Variants in CCNH observed in about 807,000 individuals in gnomAD.
CCNH encodes the protein cyclin H, also known as cyclin-H.
CCNH carries 31 observed loss-of-function variants against 41.9 expected under a neutral mutation model. That is an observed-to-expected ratio of 0.74 (90% CI 0.56 to 1.00). The LOEUF is 1.00. CCNH is among the 50% of genes least tolerant of loss of function. CCNH has a pLI of 0.00. For missense variants in CCNH, 362 were observed against 388.4 expected (o/e 0.93, Z 0.57); for synonymous variants, 138 against 136.1 (o/e 1.01, Z -0.10).
chr5:87,354,204 G>A (rs1318661467), intron 9 of CCNH, among the ~76,000 whole-genome samples: 1 of 152,018 alleles, frequency 6.6e-6, no homozygotes, highest in East Asian at 1.9e-4. Flanking sequence ...TCATAATCTT[G>A]TCACATTTTA....
chr5:87,340,941 T>C (rs1247224609), intron 9 of CCNH, among the ~76,000 whole-genome samples: 3 of 152,012 alleles, frequency 2.0e-5, no homozygotes, highest in Admixed American at 6.6e-5. Flanking sequence ...AATGAGAAAT[T>C]TGTAGGCAGT....
chr5:87,368,177 A>G (rs534586969), intron 9 of CCNH, among the ~76,000 whole-genome samples: 1 of 151,946 alleles, frequency 6.6e-6, no homozygotes, highest in South Asian at 2.1e-4. Flanking sequence ...TCTGTTTTTC[A>G]TCCTTTTTCC....
intron 9 of CCNH, among the ~76,000 whole-genome samples, chr5:87,335,443 T>TGTG (rs1554045204): frequency 7.0e-6 from 1 of 142,548 alleles, no homozygotes; most frequent in African/African-American, 2.7e-5. Flanking sequence ...TTTTTTTTTT[T>TGTG]TGTGACAGTT....
At position 87,333,216 on chromosome 5, in the gene CCNH, T is replaced by G. The variant is rs368599725; in HGVS notation, c.*91-14319A>C. On this transcript the variant is annotated intron_variant and NMD_transcript_variant, in intron 9 of 9. Transcript: ENST00000645953. The stretch of plus-strand genomic sequence containing the variant: ...TTATGTGGATATACCTCTTTTGACT[T>G]TAAGATAAAAAGACTATCTTTTTAA... 1.1e-5 allele frequency: 17 copies of G among 1,600,822 alleles called. No homozygotes were observed. The African/African-American group carries it at 2.2e-4, about 20-fold the overall frequency.
chr5:87,360,124 GTT>G (rs755443447), intron 9 of CCNH, among the ~76,000 whole-genome samples: 9 of 132,692 alleles, frequency 6.8e-5, no homozygotes, highest in African/African-American at 8.4e-5. Context: ...TCAAAATGCA[GTT>G]TTTTTTTTTT....
At chr5:87,354,136 G>A (rs1214342402) in intron 9 of CCNH, among the ~76,000 whole-genome samples, 2 of 151,948 alleles carry the variant, frequency 1.3e-5, no homozygotes, top group Non-Finnish European at 2.9e-5. Context: ...GTTAATTGGT[G>A]GGGGGTGGGG....
intron 9 of CCNH, among the ~76,000 whole-genome samples, chr5:87,355,636 T>A (rs1038507326): frequency 2.0e-5 from 3 of 152,236 alleles, no homozygotes; most frequent in African/African-American, 7.2e-5. Flanking sequence ...GGAGTAATTT[T>A]GACTTTCAAA....
In CCNH at chr5:87,369,910, C is replaced by G. The variant is rs1462482632; in HGVS notation, c.*90+22860G>C. ...TCCAGAACAAGCAGAGGTAAGATTACTGTTTCTCAAACTACAGTATACTTT... is the reference window on the plus strand; with the variant it reads ...TCCAGAACAAGCAGAGGTAAGATTAGTGTTTCTCAAACTACAGTATACTTT... On this transcript the variant is annotated intron_variant and NMD_transcript_variant, in intron 9 of 9. Coordinates refer to the CCNH transcript ENST00000645953. 3 of 1,588,542 alleles carry G rather than the reference C, an allele frequency of 1.9e-6. No homozygotes were observed. The highest frequency in any genetic ancestry group is 2.6e-6 in the Non-Finnish European group (3 of 1,157,686).
At chr5:87,385,848 C>T (rs903854720) in intron 9 of CCNH, among the ~76,000 whole-genome samples, 1 of 151,982 alleles carries the variant, frequency 6.6e-6, no homozygotes, top group Non-Finnish European at 1.5e-5. Context: ...GACTTCTTGC[C>T]ATATGTGGAA....
At chr5:87,338,905 T>C (rs1758237404) in intron 9 of CCNH, among the ~76,000 whole-genome samples, 1 of 152,166 alleles carries the variant, frequency 6.6e-6, no homozygotes, top group Non-Finnish European at 1.5e-5. Flanking sequence ...TTCCATCATA[T>C]AATACGTTAT....
At chr5:87,355,410 A>G (rs1759578298) in intron 9 of CCNH, among the ~76,000 whole-genome samples, 1 of 152,166 alleles carries the variant, frequency 6.6e-6, no homozygotes, top group South Asian at 2.1e-4. Context: ...ATGGAACTAC[A>G]AAGCCTGCAT....
At chr5:87,318,178 C>A (rs1241022879), downstream of CCNH, among the ~76,000 whole-genome samples, 1 of 152,042 alleles carries the variant, frequency 6.6e-6, no homozygotes, top group Non-Finnish European at 1.5e-5. Context: ...CTATTATAAC[C>A]CCCACAAATA....
rs191206267 is a variant in CCNH at position 87,320,567 on chromosome 5, G to A, written c.*91-1670C>T. On this transcript the variant is annotated intron_variant and NMD_transcript_variant, in intron 9 of 9. Coordinates refer to the CCNH transcript ENST00000645953. ...GAGACAGAGAGAGTAAAGTGGGGAAGCGCCACACACTTTTAAACCATCAGA... is the reference window on the plus strand; with the variant it reads ...GAGACAGAGAGAGTAAAGTGGGGAAACGCCACACACTTTTAAACCATCAGA... Among the ~76,000 whole-genome samples, 241 of 152,244 alleles carry A rather than the reference G, an allele frequency of 1.6e-3. 1 individual carries two copies. The highest frequency in any genetic ancestry group is 6.8e-3 in the Middle Eastern group (2 of 294).
chr5:87,338,143 T>C, intron 9 of CCNH: 2 of 1,606,436 alleles, frequency 1.2e-6, no homozygotes, highest in Admixed American at 3.4e-5. Flanking sequence ...TTTTATAAAT[T>C]TGGATCTTGT....
chr5:87,377,899 T>C (rs1761434781), upstream of CCNH, among the ~76,000 whole-genome samples: 1 of 152,222 alleles, frequency 6.6e-6, no homozygotes, highest in Non-Finnish European at 1.5e-5. Flanking sequence ...GTGGTCCTTA[T>C]TTTACACTTG....
chr5:87,395,501 G>C (rs758441659), intron 7 of CCNH, among the ~76,000 whole-genome samples: 8 of 152,146 alleles, frequency 5.3e-5, no homozygotes, highest in Non-Finnish European at 1.2e-4. Flanking sequence ...GATAAGCAAA[G>C]TAATGACTAT....
At chr5:87,379,638 A>G (rs1761567981), upstream of CCNH, 47 of 1,501,250 alleles carry the variant, frequency 3.1e-5, no homozygotes, top group South Asian at 5.9e-4. Flanking sequence ...ATACCGAAAA[A>G]TAGACAACCT....
intron 7 of CCNH, 135 bp downstream of exon 7, chr5:87,399,259 C>T: frequency 1.5e-6 from 1 of 685,290 alleles, no homozygotes; most frequent in Non-Finnish European, 2.6e-6. Flanking sequence ...TAGAAATGTC[C>T]ATTCAATAAA....
chr5:87,383,700 C>T (rs2112508926), intron 9 of CCNH: 11 of 1,588,820 alleles, frequency 6.9e-6, no homozygotes, highest in South Asian at 5.7e-5. Context: ...AAAAAAATTT[C>T]CCTCCCATTC....
Sources: allele counts gnomAD v4.1 joint callset (sites outside exome capture counted in the v4.1 genomes callset), GRCh38; gene constraint gnomAD v4.1.1; transcripts MANE v1.5; gene names NCBI Gene and HGNC (gene_info 2026-07-23, HGNC 2026-07-21).